Variants in TBC1D9B observed in about 807,000 individuals in gnomAD.
The protein encoded by TBC1D9B is TBC1 domain family member 9B.
A neutral mutation model predicts 121.1 loss-of-function variants in TBC1D9B; 87 were observed. The ratio of observed to expected loss-of-function variants is 0.72; its 90% CI spans 0.60 to 0.86. The LOEUF is 0.86. TBC1D9B is among the 40% of genes least tolerant of loss of function. TBC1D9B has a pLI of 0.00. For synonymous variants in TBC1D9B, 668 were observed against 670.1 expected (o/e 1.00, Z 0.05); for missense variants, 1,540 against 1,628.6 (o/e 0.95, Z 0.94).
intron 7 of TBC1D9B, among the ~76,000 whole-genome samples, chr5:179,880,750 A>G (rs1561640269): frequency 6.6e-6 from 1 of 151,936 alleles, no homozygotes; most frequent in Non-Finnish European, 1.5e-5. Flanking sequence ...GGAAAAAAAA[A>G]AAGAGAGAAC....
In TBC1D9B at chr5:179,885,942, T is replaced by C. The variant is rs1760672497; in HGVS notation, c.1254+2161A>G. ...CCTCTCTGGTCTCACCTCCTACACC[T>C]GGTCAGTCTCCTAAGCCCTGGTCCC... On this transcript the variant is annotated intron_variant, in intron 7 of 20. Transcript: ENST00000355235. The surrounding 1 kb of genome is among the most constrained non-coding windows in gnomAD (Gnocchi z 4.5). Among the ~76,000 whole-genome samples, 1 of 152,206 alleles carries C rather than the reference T, an allele frequency of 6.6e-6. No homozygotes were observed. The highest frequency in any genetic ancestry group is 2.4e-5 in the African/African-American group (1 of 41,456).
At chr5:179,899,384 G>T in intron 2 of TBC1D9B, 77 bp from the exon 3 acceptor site, 1 of 1,252,132 alleles carries the variant, frequency 8.0e-7, no homozygotes, top group Admixed American at 1.9e-5. Flanking sequence ...GAAGCGAGAT[G>T]AAAGTGGGTG....
chr5:179,896,613 C>G lies in TBC1D9B; in HGVS notation c.349-1999G>C, dbSNP rs1293212175. Among the ~76,000 whole-genome samples, 2 of 152,096 alleles carry G rather than the reference C, an allele frequency of 1.3e-5. 1 individual carries two copies. Among genetic ancestry groups the G allele is most frequent in the Admixed American group, 1.3e-4 (2 of 15,282 alleles). ...TCTTGGCTCACTGCAACCTCTGCCT[C>G]CCGGGTTCAAGCAATTCTTGTGCCT... On this transcript the variant is annotated intron_variant, in intron 3 of 20. Transcript: ENST00000355235.
rs1760964997 is a variant in TBC1D9B, at chr5:179,894,495, C to A, written c.468G>T (p.Leu156=). 2.5e-6 allele frequency: 4 copies of A among 1,614,198 alleles called. No homozygotes were observed. The highest frequency in any genetic ancestry group is 2.5e-6 in the Non-Finnish European group (3 of 1,180,010). Residue 156 remains leucine (L), a synonymous_variant, in exon 4 of 21, where the codon CTG becomes CTT. Transcript: ENST00000355235. ...KQFGMPEGEK[L]VNYYSCSYWK... ...AGTAGCTGCAGGAGTAGTAATTCAC[C>A]AGCTTCTCGCCCTCAGGCATCCCAA...
chr5:179,863,379 G>C lies in TBC1D9B; in HGVS notation c.*69C>G. The C allele has an allele frequency of 6.6e-7, 1 of 1,522,918 alleles. No homozygotes were observed. The highest frequency in any genetic ancestry group is 8.9e-7 in the Non-Finnish European group (1 of 1,126,212). The allele number at this position is 1,522,918 out of a possible 1,614,324, so 94.3% of individuals were successfully genotyped here. On this transcript the variant is annotated 3_prime_UTR_variant, in exon 21 of 21. Transcript: ENST00000355235. The surrounding 1 kb of genome is among the most constrained non-coding windows in gnomAD (Gnocchi z 4.5). The stretch of plus-strand genomic sequence containing the variant: ...CCTTTAAAGAGAAACTGATAAGGGA[G>C]GAAAGGCAGGAGGAGATGAGGCCAG...
Position 179,879,639 on chromosome 5 carries a change from C to T in TBC1D9B, c.1405G>A (p.Gly469Arg), listed in dbSNP as rs1760472013. Residue 469 changes from glycine to arginine, a missense_variant, in exon 8 of 21, where the codon GGA (glycine) becomes AGA (arginine). Coordinates refer to ENST00000355235, the MANE Select transcript of TBC1D9B (RefSeq NM_015043.4). The stretch of plus-strand genomic sequence containing the variant: ...CGCTCAGGGCTCACCCCCTTGGCTC[C>T]AAGGTCCTCCATGGGCGAGTTTTTC... ...FQKNSPMEDL[G>R]AKGAKEKMKE... 6.2e-7 allele frequency: 1 copy of T among 1,613,918 alleles called. No homozygotes were observed. The highest frequency in any genetic ancestry group is 8.5e-7 in the Non-Finnish European group (1 of 1,179,944).
intron 7 of TBC1D9B, 145 bp downstream of exon 7, chr5:179,887,958 G>A (rs1760739119): frequency 7.1e-6 from 7 of 979,370 alleles, no homozygotes; most frequent in Non-Finnish European, 1.1e-5. Context: ...CTGGGCTAGG[G>A]GTCTCTTGCC....
intron 13 of TBC1D9B, 62 bp downstream of exon 13, chr5:179,873,057 G>A (rs1340118920): frequency 2.2e-5 from 36 of 1,613,240 alleles, no homozygotes; most frequent in Non-Finnish European, 3.1e-5. Flanking sequence ...CCTGCCCATA[G>A]CCACCCCAAC....
intron 15 of TBC1D9B, 79 bp from the exon 16 acceptor site, chr5:179,870,574 AC>A: frequency 6.7e-7 from 1 of 1,493,654 alleles, no homozygotes; most frequent in Non-Finnish European, 8.9e-7. Flanking sequence ...TGGTGTGTCC[AC>A]CCTCCCCCTC....
At chr5:179,906,165 C>T (rs1407259239) in intron 1 of TBC1D9B, among the ~76,000 whole-genome samples, 1 of 152,218 alleles carries the variant, frequency 6.6e-6, no homozygotes, top group East Asian at 1.9e-4. Flanking sequence ...AAAACCACAT[C>T]CCTGTCTGCT....
intron 3 of TBC1D9B, among the ~76,000 whole-genome samples, chr5:179,897,610 C>A (rs1432979416): frequency 2.6e-5 from 4 of 152,226 alleles, no homozygotes; most frequent in Non-Finnish European, 4.4e-5. Context: ...CAGGTGTGAG[C>A]CACCACACCT....
rs527861013 is a variant in TBC1D9B, at chr5:179,885,588, C to T, written c.1254+2515G>A. Among the ~76,000 whole-genome samples the T allele has an allele frequency of 8.0e-6, 1 of 124,738 alleles. No individual in the cohort carries two copies. Among genetic ancestry groups the T allele is most frequent in the East Asian group, 4.0e-4 (1 of 2,518 alleles). 81.8% of individuals were successfully genotyped at this position (124,738 alleles called of 152,430 possible). On this transcript the variant is annotated intron_variant, in intron 7 of 20. Coordinates refer to ENST00000355235, the MANE Select transcript of TBC1D9B (RefSeq NM_015043.4). This position sits in a 1 kb window ranked among gnomAD's most constrained non-coding sequence, Gnocchi z 4.5. ...TAGGTGACAGAGCAAGACTCTGTCCCCCCCCCAAAAAAAAAAAGATGGAGG... is the reference window on the plus strand; with the variant it reads ...TAGGTGACAGAGCAAGACTCTGTCCTCCCCCCAAAAAAAAAAAGATGGAGG...
Position 179,874,292 on chromosome 5 carries a change from G to C in TBC1D9B, c.2186+610C>G, listed in dbSNP as rs1485676095. Among the ~76,000 whole-genome samples the C allele has an allele frequency of 7.2e-5, 11 of 152,094 alleles. No individual in the cohort carries two copies. Among genetic ancestry groups the C allele is most frequent in the Non-Finnish European group, 1.6e-4 (11 of 68,000 alleles). ...GCAGGCAGGTCAAAGACTGAGAGGGGAACCCCAGGGAAAGGGCATGGTGGG... is the reference window on the plus strand; with the variant it reads ...GCAGGCAGGTCAAAGACTGAGAGGGCAACCCCAGGGAAAGGGCATGGTGGG... On this transcript the variant is annotated intron_variant, in intron 12 of 20. Coordinates refer to ENST00000355235, the MANE Select transcript of TBC1D9B (RefSeq NM_015043.4). The surrounding 1 kb of genome is among the most constrained non-coding windows in gnomAD (Gnocchi z 4.3).
At chr5:179,868,002 T>C (rs2113602880) in intron 17 of TBC1D9B, 153 bp from the exon 18 acceptor site, 1 of 554,356 alleles carries the variant, frequency 1.8e-6, no homozygotes, top group Non-Finnish European at 2.9e-6. Context: ...GGTAATAGTT[T>C]TGATGGTGAT....
chr5:179,865,152 C>T lies in TBC1D9B; in HGVS notation c.3021+102G>A. On this transcript the variant is annotated intron_variant, in intron 20 of 20. Transcript: ENST00000355235. The surrounding 1 kb of genome is among the most constrained non-coding windows in gnomAD (Gnocchi z 5.1). ...GCTCTAGAGGCAGGGAGGAGCCTTC[C>T]CACCCACCAGGAGATGCTGCAGTGC... 3.5e-6 allele frequency: 4 copies of T among 1,141,498 alleles called. No homozygotes were observed. Among genetic ancestry groups the T allele is most frequent in the Non-Finnish European group, 5.2e-6 (4 of 764,294 alleles). 70.7% of individuals were successfully genotyped at this position (1,141,498 alleles called of 1,614,324 possible).
intron 8 of TBC1D9B, 115 bp downstream of exon 8, chr5:179,879,513 G>A (rs1760467498): frequency 6.6e-7 from 1 of 1,518,684 alleles, no homozygotes; most frequent in Non-Finnish European, 9.0e-7. Context: ...GGTGGGCACT[G>A]CCCAGCGGTC....
At position 179,891,721 on chromosome 5, in the gene TBC1D9B, G is replaced by A; in HGVS notation, c.837-135C>T. On this transcript the variant is annotated intron_variant, in intron 5 of 20. Transcript: ENST00000355235. The surrounding 1 kb of genome is among the most constrained non-coding windows in gnomAD (Gnocchi z 4.3). ...ATCCCTGGGGTGGTCCCTTGAGCAA[G>A]TCATGCTCAGGGACCTCAGAGTTCA... 3.3e-6 allele frequency: 3 copies of A among 901,178 alleles called. No individual in the cohort carries two copies. The highest frequency in any genetic ancestry group is 5.2e-5 in the East Asian group (2 of 38,328). The allele number at this position is 901,178 out of a possible 1,614,324, so 55.8% of individuals were successfully genotyped here.
chr5:179,904,775 G>A lies in TBC1D9B; in HGVS notation c.156C>T (p.Ser52=), dbSNP rs772782138. The A allele has an allele frequency of 1.3e-6, 2 of 1,574,882 alleles. No homozygotes were observed. Among genetic ancestry groups the A allele is most frequent in the Non-Finnish European group, 1.7e-6 (2 of 1,160,340 alleles). The change falls in exon 2 of 21, where the codon TCC becomes TCT. Residue 52 remains serine (S), a synonymous_variant. Coordinates refer to ENST00000355235, the MANE Select transcript of TBC1D9B (RefSeq NM_015043.4). This position sits in a 1 kb window ranked among gnomAD's most constrained non-coding sequence, Gnocchi z 4.2. ...TGCGGTAAGGGGCCACGCGGGCACT[G>A]GAGTCCAGCACCACGTCCAGGGTGC... The part of the protein sequence containing the change: ...LVGTLDVVLD[S]SARVAPYRIL...
intron 4 of TBC1D9B, 26 bp from the exon 5 acceptor site, chr5:179,893,493 G>A (rs368931613): frequency 5.3e-5 from 83 of 1,566,174 alleles, no homozygotes; most frequent in African/African-American, 6.8e-5. Context: ...TAGACACACC[G>A]CAAGTTAGGG....
Sources: allele counts gnomAD v4.1 joint callset (sites outside exome capture counted in the v4.1 genomes callset), GRCh38; gene constraint gnomAD v4.1.1; non-coding constraint Gnocchi (gnomAD v3.1); transcripts MANE v1.5; gene names NCBI Gene and HGNC (gene_info 2026-07-23, HGNC 2026-07-21).